JMJD1C: variants seen among roughly 807,000 people sequenced by gnomAD.
The protein encoded by JMJD1C is jumonji domain-containing protein 1C.
Under a neutral mutation model 245.3 loss-of-function variants are expected in JMJD1C, and 31 were observed. The ratio of observed to expected loss-of-function variants is 0.13; its 90% CI spans 0.09 to 0.17. The LOEUF (loss-of-function observed/expected upper bound fraction) is 0.17. Ranked by LOEUF, JMJD1C falls within the 10% of genes least tolerant of loss-of-function variation. The pLI is 1.00. For missense variants in JMJD1C, 2,691 were observed against 3,000.2 expected, an observed-to-expected ratio of 0.90 and a Z score of 2.41; for synonymous variants, 1,057 against 1,017.4, an observed-to-expected ratio of 1.04 and a Z score of -0.74.
In JMJD1C at chr10:63,219,921, T is replaced by C. The variant is rs966556187; in HGVS notation, c.510A>G (p.Lys170=). The stretch of plus-strand genomic sequence containing the variant: ...GAACCTTTTGTTCCTTTACCCAGAC[T>C]TTCACTTCCTCATGAAGCTGCGGGT... ...RDNPQLHEEV[K]VWVKEQKVQE... The change falls in exon 4 of 26, where the codon AAA becomes AAG. Residue 170 remains lysine (K), a synonymous_variant. Transcript: ENST00000399262. 3 of 1,613,744 alleles carry C rather than the reference T, an allele frequency of 1.9e-6. No individual in the cohort carries two copies. The highest frequency in any genetic ancestry group is 2.5e-6 in the Non-Finnish European group (3 of 1,179,820).
chr10:63,317,642 T>G (rs1048655223), intron 2 of JMJD1C, among the ~76,000 whole-genome samples: 7 of 152,150 alleles, frequency 4.6e-5, no homozygotes, highest in Admixed American at 2.6e-4. Context: ...CGTACATTAT[T>G]TAATCAAATA....
chr10:63,471,972 G>C (rs958529981), intron 1 of JMJD1C, among the ~76,000 whole-genome samples: 8 of 152,118 alleles, frequency 5.3e-5, no homozygotes, highest in Non-Finnish European at 1.0e-4. Context: ...CGGGAAGCAA[G>C]AGACTTCAGT....
chr10:63,269,060 G>C (rs1188566815), intron 2 of JMJD1C: 28 of 985,364 alleles, frequency 2.8e-5, no homozygotes, highest in Non-Finnish European at 3.3e-5. Flanking sequence ...CTCCGATCTG[G>C]GTCAGGATAA....
At chr10:63,389,892 A>T (rs1947918278) in intron 1 of JMJD1C, among the ~76,000 whole-genome samples, 1 of 152,162 alleles carries the variant, frequency 6.6e-6, no homozygotes, top group Admixed American at 6.5e-5. Flanking sequence ...TATTTAATAA[A>T]GTAGTGCTAA....
At chr10:63,512,152 C>T (rs1400396751) in intron 1 of JMJD1C, among the ~76,000 whole-genome samples, 1 of 152,114 alleles carries the variant, frequency 6.6e-6, no homozygotes, top group Non-Finnish European at 1.5e-5. Context: ...ATATACAAAC[C>T]CACAGAAGCA....
At chr10:63,469,140 C>G (rs910020835), upstream of JMJD1C, among the ~76,000 whole-genome samples, 2 of 152,154 alleles carry the variant, frequency 1.3e-5, no homozygotes, top group African/African-American at 4.8e-5. Flanking sequence ...TGGAAAGTGT[C>G]AATCATCTGC....
chr10:63,254,657 C>A (rs1003636472), intron 3 of JMJD1C, among the ~76,000 whole-genome samples: 1 of 148,646 alleles, frequency 6.7e-6, no homozygotes, highest in Non-Finnish European at 1.5e-5. Context: ...CCTCCCATCC[C>A]CGCCTCCCAA....
At chr10:63,368,723 G>A (rs1371840366) in intron 2 of JMJD1C, among the ~76,000 whole-genome samples, 1 of 152,170 alleles carries the variant, frequency 6.6e-6, no homozygotes, top group Admixed American at 6.6e-5. Flanking sequence ...GTCTCGCTCA[G>A]CTGCCCTGGC....
intron 10 of JMJD1C, chr10:63,202,157 G>T: frequency 3.8e-6 from 1 of 265,884 alleles, no homozygotes; most frequent in Non-Finnish European, 5.8e-6. Flanking sequence ...GGGAGGCTGA[G>T]GCACAAGAAC....
chr10:63,264,588 T>C lies in JMJD1C; in HGVS notation c.447+63A>G, dbSNP rs1471826361. The C allele has an allele frequency of 6.8e-6, 5 of 731,580 alleles. No individual in the cohort carries two copies. In the Admixed American group the frequency reaches 1.0e-4, roughly 15 times the overall value. The allele number at this position is 731,580 out of a possible 1,614,324, so 45.3% of individuals were successfully genotyped here. A position where few individuals can be genotyped will look rare whatever the true frequency, so the allele number is the denominator to read the frequency against. ...TATTTAAAGAATATTGTTTAAAGAA[T>C]GTCTGAATATCAATAAAGTTTAATT... On this transcript the variant is annotated intron_variant, in intron 3 of 25. Transcript: ENST00000399262.
rs182342455 is a variant in JMJD1C at position 63,332,733 on chromosome 10, T to C, written c.333+47585A>G. On this transcript the variant is annotated intron_variant, in intron 2 of 25. Transcript: ENST00000399262. ...ATAATCATCTCTATGTTCCATTTAT[T>C]TTTATAGGTTAAAGAATCACTTTTC... is the stretch of plus-strand genomic sequence containing the variant. Among the ~76,000 whole-genome samples the C allele has an allele frequency of 2.6e-3, 391 of 152,350 alleles. 3 individuals carry two copies. In the South Asian group the frequency reaches 0.029, roughly 11 times the overall value.
chr10:63,355,835 C>G (rs1944795012), intron 2 of JMJD1C, among the ~76,000 whole-genome samples: 1 of 151,734 alleles, frequency 6.6e-6, no homozygotes. Flanking sequence ...CAAGCAGGTC[C>G]AACTTTATTT....
intron 2 of JMJD1C, among the ~76,000 whole-genome samples, chr10:63,280,580 T>C (rs1857272283): frequency 6.6e-6 from 1 of 152,132 alleles, no homozygotes; most frequent in African/African-American, 2.4e-5. Context: ...TGAAAATTTG[T>C]CAAGTCGTCA....
At position 63,214,267 on chromosome 10, in the gene JMJD1C, G is replaced by A. The variant is rs368298748; in HGVS notation, c.1900C>T (p.His634Tyr). ...KSKLNTSVDT[H>Y]KIKSSPSPEV... Reference sequence around the variant, plus strand: ...GGTGATGGGCTGGATTTTATCTTGTGAGTATCTACTGAAGTATTAAGTTTA... The same window carrying A: ...GGTGATGGGCTGGATTTTATCTTGTAAGTATCTACTGAAGTATTAAGTTTA... The change falls in exon 8 of 26, where the codon CAC (histidine) becomes TAC (tyrosine). Residue 634 changes from histidine (H) to tyrosine (Y), a missense_variant. Around this residue, in one of 9 missense-constraint regions of JMJD1C, gnomAD observed 1,562 missense variants for 1,490.7 expected, o/e 1.05. Transcript: ENST00000399262. 298 of 1,613,928 alleles carry A rather than the reference G, an allele frequency of 1.8e-4. No homozygotes were observed. The highest frequency in any genetic ancestry group is 2.4e-4 in the Non-Finnish European group (279 of 1,179,982).
At chr10:63,315,956 C>T (rs866356886) in intron 2 of JMJD1C, among the ~76,000 whole-genome samples, 11 of 151,630 alleles carry the variant, frequency 7.3e-5, no homozygotes, top group African/African-American at 2.7e-4. Context: ...AGTACATGAG[C>T]CCAGGAGTTC....
At chr10:63,310,106 G>T (rs1440958390) in intron 2 of JMJD1C, among the ~76,000 whole-genome samples, 1 of 152,020 alleles carries the variant, frequency 6.6e-6, no homozygotes, top group Non-Finnish European at 1.5e-5. Context: ...CAAAAAATTT[G>T]CAAACTTTAT....
At chr10:63,499,297 A>G (rs916139780) in intron 1 of JMJD1C, among the ~76,000 whole-genome samples, 2 of 152,118 alleles carry the variant, frequency 1.3e-5, no homozygotes, top group South Asian at 4.1e-4. Context: ...CCTTCATACT[A>G]TTTTCCATAG....
chr10:63,173,856 G>GA (rs1196636070), intron 24 of JMJD1C, among the ~76,000 whole-genome samples: 7 of 152,006 alleles, frequency 4.6e-5, no homozygotes, highest in South Asian at 2.1e-4. Flanking sequence ...AACTCAGTAA[G>GA]AAAAAAAGCA....
chr10:63,187,578 C>G (rs1462947344), intron 18 of JMJD1C, among the ~76,000 whole-genome samples: 1 of 152,146 alleles, frequency 6.6e-6, no homozygotes, highest in Non-Finnish European at 1.5e-5. Flanking sequence ...GCTGGGACTA[C>G]TGGTGTGAAC....
Sources: allele counts gnomAD v4.1 joint callset (sites outside exome capture counted in the v4.1 genomes callset), GRCh38; gene constraint gnomAD v4.1.1; regional missense constraint gnomAD v4.1.1; transcripts MANE v1.5; gene names NCBI Gene and HGNC (gene_info 2026-07-23, HGNC 2026-07-21).